Variants in EYS observed in about 807,000 individuals in gnomAD.
EYS encodes the protein EGF-like photoreceptor maintenance factor, also known as protein eyes shut homolog.
In EYS, 250 loss-of-function variants were observed where a neutral mutation model predicts 282.1. The observed-to-expected ratio is 0.89, with a 90% CI of 0.80 to 0.98. The LOEUF (loss-of-function observed/expected upper bound fraction) is 0.98, where lower values mean the gene tolerates loss of function less well. Among genes scored for constraint, EYS ranks in the 50% least tolerant of loss-of-function variants. The probability of loss-of-function intolerance (pLI) is 0.00; values close to 1 mark genes in which losing one functional copy is unlikely to be tolerated. For synonymous variants in EYS, 1,355 were observed against 1,282.9 expected (o/e 1.06, Z -1.20); for missense variants, 4,016 against 3,709.0 (o/e 1.08, Z -2.15).
At chr6:63,880,542 A>T (rs1192660718) in intron 35 of EYS, among the ~76,000 whole-genome samples, 2 of 125,962 alleles carry the variant, frequency 1.6e-5, no homozygotes, top group Admixed American at 7.8e-5. Context: ...CTGTCCCTTT[A>T]TGGAAACCTG....
chr6:64,569,028 A>AAAC (rs1469501052), intron 26 of EYS, among the ~76,000 whole-genome samples: 6 of 140,832 alleles, frequency 4.3e-5, no homozygotes, highest in African/African-American at 1.7e-4. Context: ...ATGGAAAAGA[A>AAAC]AAAAAAAAAA....
At chr6:65,194,975 T>C (rs1765730833) in intron 12 of EYS, among the ~76,000 whole-genome samples, 2 of 151,902 alleles carry the variant, frequency 1.3e-5, no homozygotes, top group African/African-American at 4.8e-5. Context: ...ACTCATTTAA[T>C]TTTATTACAA....
chr6:65,226,031 A>G (rs1766616090), intron 12 of EYS, among the ~76,000 whole-genome samples: 1 of 152,032 alleles, frequency 6.6e-6, no homozygotes, highest in Non-Finnish European at 1.5e-5. Context: ...ACAGAAAACT[A>G]TGCAAGAAAA....
At chr6:64,584,775 A>G (rs1391010586) in intron 26 of EYS, among the ~76,000 whole-genome samples, 6 of 152,102 alleles carry the variant, frequency 3.9e-5, no homozygotes, top group African/African-American at 1.4e-4. Context: ...GTAAGGTAAA[A>G]CATGGCTGCA....
chr6:64,271,157 G>A (rs1425090074), intron 30 of EYS, among the ~76,000 whole-genome samples: 1 of 152,014 alleles, frequency 6.6e-6, no homozygotes, highest in Non-Finnish European at 1.5e-5. Flanking sequence ...AAGTACAAGA[G>A]CAAGAAGTAA....
chr6:64,923,529 A>C (rs1768420073), intron 15 of EYS, among the ~76,000 whole-genome samples: 1 of 152,152 alleles, frequency 6.6e-6, no homozygotes, highest in Admixed American at 6.5e-5. Flanking sequence ...CAGTCCCTCA[A>C]AGTCTTAACT....
At chr6:64,956,990 A>G (rs1324700306) in intron 14 of EYS, among the ~76,000 whole-genome samples, 1 of 152,224 alleles carries the variant, frequency 6.6e-6, no homozygotes, top group African/African-American at 2.4e-5. Flanking sequence ...GTAAATCAGT[A>G]CAGTCACTAT....
intron 13 of EYS, among the ~76,000 whole-genome samples, chr6:65,005,668 G>T (rs1583387417): frequency 1.4e-5 from 2 of 147,612 alleles, no homozygotes; most frequent in African/African-American, 4.8e-5. Context: ...TCTGGGGAAG[G>T]GCTTTCTAAC....
chr6:64,198,815 G>T (rs1765378745), intron 31 of EYS, among the ~76,000 whole-genome samples: 1 of 152,144 alleles, frequency 6.6e-6, no homozygotes, highest in Admixed American at 6.5e-5. Flanking sequence ...ATAGTAGAAT[G>T]ATTTATAATC....
chr6:64,463,655 T>C (rs1299351187), intron 26 of EYS, among the ~76,000 whole-genome samples: 1 of 152,166 alleles, frequency 6.6e-6, no homozygotes, highest in Non-Finnish European at 1.5e-5. Flanking sequence ...CAAGAAGATA[T>C]TATGCTTCAC....
chr6:64,622,752 A>G (rs1767485759), intron 23 of EYS, among the ~76,000 whole-genome samples: 1 of 152,180 alleles, frequency 6.6e-6, no homozygotes, highest in African/African-American at 2.4e-5. Flanking sequence ...ATTTAAAGAC[A>G]GAGGAATACT....
chr6:65,410,945 T>G (rs1766991204), intron 5 of EYS, among the ~76,000 whole-genome samples: 1 of 152,064 alleles, frequency 6.6e-6, no homozygotes, highest in Admixed American at 6.6e-5. Flanking sequence ...ATGAGTTTTA[T>G]ATTTTCATTT....
At chr6:64,008,301 C>T (rs1422669158) in intron 33 of EYS, among the ~76,000 whole-genome samples, 1 of 152,136 alleles carries the variant, frequency 6.6e-6, no homozygotes, top group Non-Finnish European at 1.5e-5. Flanking sequence ...GCTACCCCTG[C>T]TGTTTTCCAT....
chr6:63,948,852 A>G (rs187106882), intron 35 of EYS, among the ~76,000 whole-genome samples: 25 of 152,238 alleles, frequency 1.6e-4, no homozygotes, highest in Non-Finnish European at 1.5e-5. Flanking sequence ...TACTGTATAT[A>G]TAATATGTAA....
intron 35 of EYS, among the ~76,000 whole-genome samples, chr6:63,946,045 A>C (rs1480608599): frequency 6.6e-6 from 1 of 152,194 alleles, no homozygotes; most frequent in Non-Finnish European, 1.5e-5. Context: ...ATAAATGTAG[A>C]ATTCCACAGT....
At chr6:64,222,971 T>C (rs1412961890) in intron 31 of EYS, among the ~76,000 whole-genome samples, 4 of 152,026 alleles carry the variant, frequency 2.6e-5, no homozygotes, top group African/African-American at 7.2e-5. Context: ...AAATCATTCT[T>C]ATATACTCAT....
intron 14 of EYS, among the ~76,000 whole-genome samples, chr6:64,956,796 A>G (rs1303734098): frequency 6.6e-6 from 1 of 152,196 alleles, no homozygotes; most frequent in African/African-American, 2.4e-5. Context: ...GACATTTATC[A>G]AAAGAAGACA....
At chr6:64,082,054 A>C (rs1402990398) in intron 31 of EYS, 52 bp from the exon 32 acceptor site, 2 of 1,226,970 alleles carry the variant, frequency 1.6e-6, no homozygotes, top group South Asian at 1.5e-5. Flanking sequence ...ATTGCTACTC[A>C]AGTAGATAAA....
In EYS at chr6:64,593,214, T is replaced by C. The variant is rs1445580996; in HGVS notation, c.3780A>G (p.Thr1260=). The change falls in exon 25 of 43, where the codon ACA becomes ACG. Residue 1260 remains threonine, a synonymous_variant. Transcript: ENST00000503581. ...AAGTCTCAGAAGGGGGAATTGTATA[T>C]GTCTGTGTGGAAATGGGATCTGTTC... ...FQRTDPISTQ[T]YTIPPSETLV... is the part of the protein sequence containing the mutation. 3 of 1,550,788 alleles carry C rather than the reference T, an allele frequency of 1.9e-6. No homozygotes were observed. Among genetic ancestry groups the C allele is most frequent in the South Asian group, 1.2e-5 (1 of 83,982 alleles).
Sources: allele counts gnomAD v4.1 joint callset (sites outside exome capture counted in the v4.1 genomes callset), GRCh38; gene constraint gnomAD v4.1.1; transcripts MANE v1.5; gene names NCBI Gene and HGNC (gene_info 2026-07-23, HGNC 2026-07-21).